FER: variants seen among roughly 807,000 people sequenced by gnomAD.
FER encodes the protein FER tyrosine kinase.
In FER, 63 loss-of-function variants were observed where a neutral mutation model predicts 111.0. The observed-to-expected ratio is 0.57, with a 90% CI of 0.46 to 0.70. FER has a LOEUF of 0.70. Among genes scored for constraint, FER ranks in the 30% least tolerant of loss-of-function variants. The pLI is 0.00. For synonymous variants in FER, 327 were observed against 313.9 expected (o/e 1.04, Z -0.44); for missense variants, 914 against 954.0 (o/e 0.96, Z 0.55).
intron 10 of FER, chr5:108,924,511 A>G (rs1373470680): frequency 6.5e-6 from 6 of 921,466 alleles, no homozygotes; most frequent in Non-Finnish European, 8.5e-6. Context: ...ACTGACTAGT[A>G]TACTTCCATG....
chr5:108,754,970 G>C (rs989118717), intron 1 of FER, among the ~76,000 whole-genome samples: 3 of 152,158 alleles, frequency 2.0e-5, no homozygotes, highest in Non-Finnish European at 4.4e-5. Flanking sequence ...GTAGACCTTT[G>C]ATATTTGCAA....
chr5:109,133,469 G>T (rs1752576132), intron 17 of FER, among the ~76,000 whole-genome samples: 1 of 152,016 alleles, frequency 6.6e-6, no homozygotes, highest in Non-Finnish European at 1.5e-5. Context: ...TGGTTTCCTT[G>T]AAAAATTTAA....
At chr5:108,841,523 G>C (rs1761265453) in intron 5 of FER, among the ~76,000 whole-genome samples, 1 of 152,152 alleles carries the variant, frequency 6.6e-6, no homozygotes, top group Non-Finnish European at 1.5e-5. Context: ...TTTGTTGGGG[G>C]CTCTGGCAAA....
chr5:109,118,455 G>T (rs1233628668), intron 17 of FER, among the ~76,000 whole-genome samples: 1 of 152,140 alleles, frequency 6.6e-6, no homozygotes, highest in Admixed American at 6.5e-5. Flanking sequence ...ATGGATATTG[G>T]TCTAAAATTC....
At chr5:108,879,506 G>A (rs1765420915) in intron 8 of FER, among the ~76,000 whole-genome samples, 4 of 151,552 alleles carry the variant, frequency 2.6e-5, no homozygotes, top group African/African-American at 9.7e-5. Context: ...GTAATAACAT[G>A]ATGGTGAATA....
At chr5:108,814,716 GGCATGC>G (rs1758103751) in intron 3 of FER, among the ~76,000 whole-genome samples, 1 of 151,938 alleles carries the variant, frequency 6.6e-6, no homozygotes, top group Non-Finnish European at 1.5e-5. Flanking sequence ...TAACTTTCTG[GGCATGC>G]AGCTCAGCAA....
At chr5:108,807,606 G>C (rs777147731) in intron 3 of FER, among the ~76,000 whole-genome samples, 13 of 152,152 alleles carry the variant, frequency 8.5e-5, no homozygotes, top group Non-Finnish European at 1.6e-4. Context: ...TGGATGATTG[G>C]ATATCAATTT....
chr5:108,812,050 C>T (rs915323918), intron 3 of FER, among the ~76,000 whole-genome samples: 1 of 152,178 alleles, frequency 6.6e-6, no homozygotes, highest in Admixed American at 6.5e-5. Context: ...CAAGTTGACA[C>T]ATAAAATTAA....
At chr5:108,887,458 A>G (rs1747351332) in intron 9 of FER, among the ~76,000 whole-genome samples, 1 of 149,404 alleles carries the variant, frequency 6.7e-6, no homozygotes, top group Admixed American at 6.6e-5. Flanking sequence ...TAGCAAAAAC[A>G]GAGTTCAAGC....
At chr5:109,042,752 T>A (rs931502473) in intron 14 of FER, among the ~76,000 whole-genome samples, 1 of 152,116 alleles carries the variant, frequency 6.6e-6, no homozygotes, top group Non-Finnish European at 1.5e-5. Flanking sequence ...AAAGACGAAG[T>A]ATCAGCTTCT....
intron 13 of FER, among the ~76,000 whole-genome samples, chr5:108,994,106 G>C (rs189771952): frequency 1.4e-3 from 216 of 152,210 alleles, no homozygotes; most frequent in African/African-American, 5.1e-3. Context: ...TCCTTTTGCT[G>C]TTCAGAAGCT....
At chr5:108,835,185 C>CCG (rs1491465134) in intron 4 of FER, among the ~76,000 whole-genome samples, 2 of 60,474 alleles carry the variant, frequency 3.3e-5, no homozygotes, top group African/African-American at 1.7e-4. Context: ...GTTTGCGCCA[C>CCG]CCCCCCCCCC....
At position 108,894,039 on chromosome 5, in the gene FER, A is replaced by G. The variant is rs978148195; in HGVS notation, c.1047-3620A>G. 6.2e-4 allele frequency among the ~76,000 whole-genome samples: 94 copies of G among 151,584 alleles called. 1 individual carries two copies. Among genetic ancestry groups the G allele is most frequent in the African/African-American group, 2.2e-3 (91 of 41,268 alleles). On this transcript the variant is annotated intron_variant, in intron 9 of 19. Coordinates refer to ENST00000281092, the MANE Select transcript of FER (RefSeq NM_005246.4). ...GTGGGACAGATTCCTTCCATCTCCA[A>G]ATGAATCACATGCTGCCCCTGAAAG...
At chr5:108,898,579 C>G (rs1429736648) in intron 10 of FER, among the ~76,000 whole-genome samples, 1 of 122,942 alleles carries the variant, frequency 8.1e-6, no homozygotes, top group Non-Finnish European at 1.7e-5. Flanking sequence ...CCCTCCCTTC[C>G]CCTCCCCTCC....
chr5:108,898,979 A>G (rs1387390476), intron 10 of FER, among the ~76,000 whole-genome samples: 1 of 152,014 alleles, frequency 6.6e-6, no homozygotes, highest in East Asian at 1.9e-4. Flanking sequence ...TCCTGTGGGT[A>G]ACTTACAGAA....
intron 17 of FER, among the ~76,000 whole-genome samples, chr5:109,160,882 C>A (rs1280507117): frequency 2.6e-5 from 4 of 152,168 alleles, no homozygotes; most frequent in Admixed American, 2.6e-4. Context: ...CCTGAACTTT[C>A]TCTTGGGAAT....
In FER at chr5:108,793,521, G is replaced by A. The variant is rs1755629078; in HGVS notation, c.-59-4603G>A. Among the ~76,000 whole-genome samples the A allele has an allele frequency of 2.2e-5, 3 of 135,504 alleles. No individual in the cohort carries two copies. The Admixed American group carries it at 2.3e-4, about 10-fold the overall frequency. The allele number at this position is 135,504 out of a possible 152,430, so 88.9% of individuals were successfully genotyped here. A position where few individuals can be genotyped will look rare whatever the true frequency, so the allele number is the denominator to read the frequency against. On this transcript the variant is annotated intron_variant, in intron 2 of 19. Coordinates refer to ENST00000281092, the MANE Select transcript of FER (RefSeq NM_005246.4). ...TATCTATTTTTTTTTTGGCGGGGCG[G>A]GGGGGGTGGTTATATACCCAGCAGC...
chr5:109,087,381 T>C (rs1171866182), intron 16 of FER, among the ~76,000 whole-genome samples: 2 of 151,876 alleles, frequency 1.3e-5, no homozygotes, highest in Non-Finnish European at 2.9e-5. Context: ...TATGTTCAAT[T>C]ATATTGAGTT....
intron 17 of FER, among the ~76,000 whole-genome samples, chr5:109,174,432 G>A (rs1020454625): frequency 9.2e-5 from 14 of 151,906 alleles, no homozygotes; most frequent in African/African-American, 3.1e-4. Flanking sequence ...TTTTGTTTTT[G>A]TTTTTTAAAA....
Sources: gnomAD v4.1 joint callset for allele counts (sites outside exome capture counted in the v4.1 genomes callset) on GRCh38, gnomAD v4.1.1 for gene constraint, MANE v1.5 for transcripts, NCBI Gene and HGNC (gene_info 2026-07-23, HGNC 2026-07-21) for gene names.